TNKS2: variants seen among roughly 807,000 people sequenced by gnomAD.
TNKS2 encodes poly [ADP-ribose] polymerase tankyrase-2.
TNKS2 carries 72 observed loss-of-function variants against 137.6 expected under a neutral mutation model. That is an observed-to-expected ratio of 0.52 (90% CI 0.43 to 0.64). The LOEUF (loss-of-function observed/expected upper bound fraction) is 0.64, where lower values mean the gene tolerates loss of function less well. TNKS2 is among the 30% of genes least tolerant of loss of function. The probability of loss-of-function intolerance (pLI) is 0.00; values close to 1 mark genes in which losing one functional copy is unlikely to be tolerated. For missense variants in TNKS2, 1,049 were observed against 1,410.2 expected, an observed-to-expected ratio of 0.74 and a Z score of 4.10; for synonymous variants, 516 against 512.1, an observed-to-expected ratio of 1.01 and a Z score of -0.10.
At chr10:91,827,325 C>T in intron 8 of TNKS2, 122 bp downstream of exon 8, 1 of 772,120 alleles carries the variant, frequency 1.3e-6, no homozygotes, top group East Asian at 3.0e-5. Context: ...CATGGGCATC[C>T]ACTGTTGTTT....
rs1844563688 is a variant in TNKS2 at position 91,813,154 on chromosome 10, A to G, written c.371A>G (p.Asn124Ser). The change falls in exon 2 of 27, where the codon AAT becomes AGT. Residue 124 changes from asparagine to serine, a missense_variant. Physicochemically the swap from Asn to Ser is conservative, Grantham distance 46 (BLOSUM62 1). This residue lies in a region of TNKS2 where 374 missense variants were observed against 460.8 expected (regional missense o/e 0.81). Coordinates refer to ENST00000371627, the MANE Select transcript of TNKS2 (RefSeq NM_025235.4). Reference sequence around the variant, plus strand: ...GACCCCAATGCTCGAGATAATTGGAATTATACTCCTCTCCATGAAGCTGCA... The same window carrying G: ...GACCCCAATGCTCGAGATAATTGGAGTTATACTCCTCTCCATGAAGCTGCA... ...GADPNARDNWNYTPLHEAAIK... is the reference protein window; with the variant it reads ...GADPNARDNWSYTPLHEAAIK... 8 of 1,614,072 alleles carry G rather than the reference A, an allele frequency of 5.0e-6. No homozygotes were observed. The highest frequency in any genetic ancestry group is 1.3e-5 in the African/African-American group (1 of 74,946).
intron 12 of TNKS2, among the ~76,000 whole-genome samples, chr10:91,835,592 C>CTTTTTTTTTTTTTTTTTTTATTT (rs1841984131): frequency 9.1e-6 from 1 of 109,426 alleles, no homozygotes; most frequent in African/African-American, 3.5e-5. Context: ...CCCGGCCTTT[C>CTTTTTTTTTTTTTTTTTTTATTT]TTTTTTTTTT....
rs1844041026 is a variant in TNKS2 at position 91,798,524 on chromosome 10, C to G, written c.-167C>G. 9.0e-6 allele frequency: 7 copies of G among 778,502 alleles called. No homozygotes were observed. In the Middle Eastern group the frequency reaches 1.4e-3, roughly 151 times the overall value. 48.2% of individuals were successfully genotyped at this position (778,502 alleles called of 1,614,324 possible). Reference sequence around the variant, plus strand: ...GGGGCAGGGAGCCCAGCGAGGGGCGCGCGTGGGCGCGGCCATGGGACTGCG... The same window carrying G: ...GGGGCAGGGAGCCCAGCGAGGGGCGGGCGTGGGCGCGGCCATGGGACTGCG... On this transcript the variant is annotated 5_prime_UTR_variant, in exon 1 of 27. Coordinates refer to ENST00000371627, the MANE Select transcript of TNKS2 (RefSeq NM_025235.4).
At chr10:91,816,009 C>T (rs1190386298) in intron 2 of TNKS2, among the ~76,000 whole-genome samples, 2 of 135,448 alleles carry the variant, frequency 1.5e-5, no homozygotes, top group Non-Finnish European at 3.0e-5. Context: ...AGTGCAGTGG[C>T]GTGATCTCCG....
Position 91,857,543 on chromosome 10 carries a change from C to A in TNKS2, c.3094+13C>A, listed in dbSNP as rs1460167836. 1 of 1,568,460 alleles carries A rather than the reference C, an allele frequency of 6.4e-7. No homozygotes were observed. Among genetic ancestry groups the A allele is most frequent in the Admixed American group, 1.7e-5 (1 of 59,274 alleles). On this transcript the variant is annotated intron_variant, in intron 24 of 26. Coordinates refer to ENST00000371627, the MANE Select transcript of TNKS2 (RefSeq NM_025235.4). ...ATGCTATTTCATGGTAAGATTCCTCCCCACCAACTCTACCACTGTCTTCCA... is the reference window on the plus strand; with the variant it reads ...ATGCTATTTCATGGTAAGATTCCTCACCACCAACTCTACCACTGTCTTCCA...
chr10:91,829,949 A>G (rs1398240476), intron 9 of TNKS2, among the ~76,000 whole-genome samples: 1 of 152,202 alleles, frequency 6.6e-6, no homozygotes, highest in Non-Finnish European at 1.5e-5. Flanking sequence ...GACATTATTG[A>G]ACACCTATTG....
intron 20 of TNKS2, among the ~76,000 whole-genome samples, chr10:91,849,879 C>G (rs954194834): frequency 6.9e-6 from 1 of 145,398 alleles, no homozygotes; most frequent in African/African-American, 2.6e-5. Context: ...ATTCAGTTCT[C>G]TCTCAAGCCT....
In TNKS2 at chr10:91,848,389, G is replaced by C. The variant is rs747518926; in HGVS notation, c.2365G>C (p.Asp789His). Residue 789 changes from aspartate (D) to histidine (H), a missense_variant, in exon 19 of 27, where the codon GAT becomes CAT. Physicochemically the swap from Asp to His is moderately conservative, Grantham distance 81. Coordinates refer to ENST00000371627, the MANE Select transcript of TNKS2 (RefSeq NM_025235.4). ...QTPLDLVSAD[D>H]VSALLTAAMP... ...TCTCTGACACGTACCCTAGGCGGAT[G>C]ATGTCAGCGCTCTTCTGACAGCAGC... 2.5e-6 allele frequency: 4 copies of C among 1,613,896 alleles called. No homozygotes were observed. Among genetic ancestry groups the C allele is most frequent in the Non-Finnish European group, 3.4e-6 (4 of 1,179,922 alleles).
chr10:91,831,147 ATGT>A lies in TNKS2; in HGVS notation c.1247_1249del (p.Val416del), dbSNP rs1369138259. 1.9e-6 allele frequency: 3 copies of A among 1,613,958 alleles called. No homozygotes were observed. Among genetic ancestry groups the A allele is most frequent in the South Asian group, 1.1e-5 (1 of 91,076 alleles). On this transcript the variant is annotated inframe_deletion, in exon 11 of 27. Coordinates refer to ENST00000371627, the MANE Select transcript of TNKS2 (RefSeq NM_025235.4). ...GTGGCATCTGAGAAAGCTCATAATG[ATGT>A]TGTTGAAGTAGTGGTGAAACATGAA... is the stretch of plus-strand genomic sequence containing the variant.
At chr10:91,842,771 TAAAA>T (rs34353819) in intron 16 of TNKS2, among the ~76,000 whole-genome samples, 1 of 151,328 alleles carries the variant, frequency 6.6e-6, no homozygotes, top group Non-Finnish European at 1.5e-5. Flanking sequence ...TCTCAAAAAA[TAAAA>T]AAAATAAATA....
chr10:91,805,128 A>G (rs1351679673), intron 1 of TNKS2, among the ~76,000 whole-genome samples: 1 of 150,016 alleles, frequency 6.7e-6, no homozygotes, highest in African/African-American at 2.5e-5. Flanking sequence ...TTTTTTAAAC[A>G]TAGCTACCTA....
intron 21 of TNKS2, among the ~76,000 whole-genome samples, chr10:91,852,688 T>A (rs1400941889): frequency 6.6e-6 from 1 of 152,236 alleles, no homozygotes; most frequent in Non-Finnish European, 1.5e-5. Context: ...GCTGTACACC[T>A]GGGGTTAAAG....
chr10:91,828,472 C>T, intron 9 of TNKS2, 66 bp downstream of exon 9: 1 of 1,363,680 alleles, frequency 7.3e-7, no homozygotes, highest in Non-Finnish European at 9.7e-7. Flanking sequence ...ATCATAATAT[C>T]CTACTTTTAG....
intron 1 of TNKS2, among the ~76,000 whole-genome samples, chr10:91,799,091 C>G (rs1169670740): frequency 6.6e-6 from 1 of 151,980 alleles, no homozygotes. Flanking sequence ...TTTGTTTTGT[C>G]TTGGTTTGGT....
rs145710751 is a variant in TNKS2 at position 91,837,631 on chromosome 10, G to A, written c.1527+633G>A. Among the ~76,000 whole-genome samples, 661 of 152,236 alleles carry A rather than the reference G, an allele frequency of 4.3e-3. 6 individuals carry two copies. Among genetic ancestry groups the A allele is most frequent in the African/African-American group, 0.015 (606 of 41,538 alleles). On this transcript the variant is annotated intron_variant, in intron 13 of 26. Coordinates refer to ENST00000371627, the MANE Select transcript of TNKS2 (RefSeq NM_025235.4). The stretch of plus-strand genomic sequence containing the variant: ...TCCCAGCACTTCGTGAGGCTGAGGC[G>A]GGTGGATCACCTGAGGTTAGGAGTT...
intron 18 of TNKS2, among the ~76,000 whole-genome samples, chr10:91,846,397 C>G (rs1164979359): frequency 1.3e-5 from 2 of 152,208 alleles, no homozygotes; most frequent in Non-Finnish European, 2.9e-5. Context: ...TCCCAGAGTT[C>G]TTGTTGCTCA....
At position 91,855,621 on chromosome 10, in the gene TNKS2, G is replaced by A. The variant is rs574098144; in HGVS notation, c.2921G>A (p.Ser974Asn). Residue 974 changes from serine to asparagine, a missense_variant, in exon 23 of 27, where the codon AGT becomes AAT. Physicochemically the swap from Ser to Asn is conservative, Grantham distance 46. Transcript: ENST00000371627. ...AAACCATTTTTCTGACAGATGCAAA[G>A]TACAGTTCGAGAGCACAGAGATGGA... ...EFQSVEEEMQ[S>N]TVREHRDGGH... 1.9e-6 allele frequency: 3 copies of A among 1,610,332 alleles called. No individual in the cohort carries two copies. Among genetic ancestry groups the A allele is most frequent in the African/African-American group, 1.3e-5 (1 of 74,692 alleles).
At chr10:91,822,885 G>T (rs1258876181) in intron 7 of TNKS2, among the ~76,000 whole-genome samples, 1 of 151,700 alleles carries the variant, frequency 6.6e-6, no homozygotes. Flanking sequence ...TAAATATAAA[G>T]TAGCACTGTC....
At chr10:91,831,850 G>A (rs1022375565) in intron 11 of TNKS2, among the ~76,000 whole-genome samples, 2 of 152,148 alleles carry the variant, frequency 1.3e-5, no homozygotes, top group African/African-American at 4.8e-5. Flanking sequence ...ACAGTTTTTA[G>A]CCACAGATCC....
Sources: allele counts gnomAD v4.1 joint callset (sites outside exome capture counted in the v4.1 genomes callset), GRCh38; gene constraint gnomAD v4.1.1; regional missense constraint gnomAD v4.1.1; transcripts MANE v1.5; gene names NCBI Gene and HGNC (gene_info 2026-07-23, HGNC 2026-07-21).